SLC44A1: variants seen among roughly 807,000 people sequenced by gnomAD.
The protein encoded by SLC44A1 is solute carrier family 44 member 1, also known as choline transporter-like protein 1.
A neutral mutation model predicts 79.3 loss-of-function variants in SLC44A1; 26 were observed. That is an observed-to-expected ratio of 0.33 (90% CI 0.24 to 0.46). The LOEUF is 0.46. Among genes scored for constraint, SLC44A1 ranks in the 20% least tolerant of loss-of-function variants. The pLI is 1.00. For synonymous variants in SLC44A1, 263 were observed against 286.2 expected, an observed-to-expected ratio of 0.92 and a Z score of 0.82; for missense variants, 688 against 798.1, an observed-to-expected ratio of 0.86 and a Z score of 1.66.
intron 3 of SLC44A1, among the ~76,000 whole-genome samples, chr9:105,334,110 A>G (rs1225411913): frequency 6.6e-6 from 1 of 152,166 alleles, no homozygotes; most frequent in Non-Finnish European, 1.5e-5. Context: ...CTTCCTTGTT[A>G]TCAGCCATGG....
chr9:105,376,315 A>G (rs955122137), intron 13 of SLC44A1, among the ~76,000 whole-genome samples: 5 of 10,000 alleles, frequency 5.0e-4, no homozygotes, highest in African/African-American at 7.2e-4. Context: ...ATATATGTAT[A>G]CACACACACA....
chr9:105,431,958 T>C, intron 15 of SLC44A1, among the ~76,000 whole-genome samples: 1 of 152,256 alleles, frequency 6.6e-6, no homozygotes. Flanking sequence ...GGTCTCACTC[T>C]GTTGCCCAGG....
At chr9:105,312,367 A>G (rs960200130) in intron 3 of SLC44A1, among the ~76,000 whole-genome samples, 1 of 152,174 alleles carries the variant, frequency 6.6e-6, no homozygotes, top group Non-Finnish European at 1.5e-5. Flanking sequence ...ATGTGTAATT[A>G]TATACTTATT....
chr9:105,390,451 A>C lies in SLC44A1; in HGVS notation c.*1395A>C. On this transcript the variant is annotated 3_prime_UTR_variant, in exon 16 of 16. Coordinates refer to ENST00000374720, the MANE Select transcript of SLC44A1 (RefSeq NM_080546.5). Reference sequence around the variant, plus strand: ...TGTACAAAAAAAAAAAAAAAAAAAAAGCCTCAGCATTTTATCATTCCATGG... The same window carrying C: ...TGTACAAAAAAAAAAAAAAAAAAAACGCCTCAGCATTTTATCATTCCATGG... 2 of 972,490 alleles carry C rather than the reference A, an allele frequency of 2.1e-6. No individual in the cohort carries two copies. The highest frequency in any genetic ancestry group is 2.4e-6 in the Non-Finnish European group (2 of 821,116). 60.2% of individuals were successfully genotyped at this position (972,490 alleles called of 1,614,324 possible). A position where few individuals can be genotyped will look rare whatever the true frequency, so the allele number is the denominator to read the frequency against.
rs974990666 is a variant in SLC44A1 at position 105,395,062 on chromosome 9, T to G, written c.*6006T>G. ...AGGGGTTTGAAGTTCTTGTGAAATT[T>G]GATCCCAGTGGCTCATGACTTATAG... is the stretch of plus-strand genomic sequence containing the variant. On this transcript the variant is annotated 3_prime_UTR_variant, in exon 16 of 16. Coordinates refer to ENST00000374720, the MANE Select transcript of SLC44A1 (RefSeq NM_080546.5). The G allele has an allele frequency of 1.0e-6, 1 of 985,362 alleles. No homozygotes were observed. The highest frequency in any genetic ancestry group is 1.2e-6 in the Non-Finnish European group (1 of 829,960). 61.0% of individuals were successfully genotyped at this position (985,362 alleles called of 1,614,324 possible).
At chr9:105,398,018 A>G (rs1828908996), downstream of SLC44A1, among the ~76,000 whole-genome samples, 1 of 152,216 alleles carries the variant, frequency 6.6e-6, no homozygotes, top group African/African-American at 2.4e-5. Context: ...GAAGACATTC[A>G]TTGTGCCTGG....
chr9:105,410,981 A>C (rs1011806040), intron 15 of SLC44A1, among the ~76,000 whole-genome samples: 2 of 152,356 alleles, frequency 1.3e-5, no homozygotes, highest in Admixed American at 6.5e-5. Flanking sequence ...TATCTAAAAT[A>C]GGCAAAATCC....
At chr9:105,371,835 G>A (rs1260946346) in intron 12 of SLC44A1, among the ~76,000 whole-genome samples, 1 of 152,104 alleles carries the variant, frequency 6.6e-6, no homozygotes, top group Non-Finnish European at 1.5e-5. Context: ...AGTACTTAGG[G>A]AACTGGTGTG....
chr9:105,328,687 G>A (rs1008881891), intron 3 of SLC44A1, among the ~76,000 whole-genome samples: 1 of 152,228 alleles, frequency 6.6e-6, no homozygotes, highest in African/African-American at 2.4e-5. Context: ...GCAGTTGCCT[G>A]TAAATGAAGG....
intron 2 of SLC44A1, among the ~76,000 whole-genome samples, chr9:105,300,941 A>G (rs1351881293): frequency 6.6e-6 from 1 of 152,014 alleles, no homozygotes. Context: ...ACGCCCAGCT[A>G]ATTTTGAATT....
At chr9:105,410,997 A>T (rs986811301) in intron 15 of SLC44A1, among the ~76,000 whole-genome samples, 23 of 152,196 alleles carry the variant, frequency 1.5e-4, no homozygotes, top group African/African-American at 5.1e-4. Flanking sequence ...AATCCATAGA[A>T]ACAGAAAGCA....
chr9:105,261,958 T>C (rs1345162165), intron 1 of SLC44A1, among the ~76,000 whole-genome samples: 1 of 152,006 alleles, frequency 6.6e-6, no homozygotes, highest in African/African-American at 2.4e-5. Context: ...TTTATTTTTT[T>C]ATTTTTAGTT....
At chr9:105,338,730 A>G (rs1273434072) in intron 4 of SLC44A1, among the ~76,000 whole-genome samples, 2 of 152,182 alleles carry the variant, frequency 1.3e-5, no homozygotes, top group South Asian at 2.1e-4. Context: ...TATCCTCTCA[A>G]TCATTTGAGG....
chr9:105,402,840 A>AT (rs1161135801), intron 15 of SLC44A1, among the ~76,000 whole-genome samples: 9 of 151,956 alleles, frequency 5.9e-5, no homozygotes, highest in African/African-American at 1.4e-4. Context: ...ATACAAAAAG[A>AT]TTTTTTTTAA....
intron 1 of SLC44A1, among the ~76,000 whole-genome samples, chr9:105,296,783 A>G (rs1361121160): frequency 6.6e-6 from 1 of 152,234 alleles, no homozygotes; most frequent in Non-Finnish European, 1.5e-5. Context: ...ACAGACCACA[A>G]TACAGGCATT....
intron 1 of SLC44A1, among the ~76,000 whole-genome samples, chr9:105,266,157 G>A (rs1829956870): frequency 6.6e-6 from 1 of 152,026 alleles, no homozygotes; most frequent in Non-Finnish European, 1.5e-5. Context: ...ATGTAGAGAC[G>A]GGGTCTCACT....
At chr9:105,248,654 CTT>C (rs1197198568) in intron 1 of SLC44A1, among the ~76,000 whole-genome samples, 3 of 152,102 alleles carry the variant, frequency 2.0e-5, no homozygotes, top group Non-Finnish European at 2.9e-5. Flanking sequence ...GCCTAAAAGT[CTT>C]TTGAGGGGAA....
chr9:105,365,445 C>T (rs1413163493), intron 10 of SLC44A1, 38 bp from the exon 11 acceptor site: 5 of 1,547,458 alleles, frequency 3.2e-6, no homozygotes, highest in Non-Finnish European at 4.4e-6. Flanking sequence ...CTGATCTAGG[C>T]TTTGTTTTAA....
At chr9:105,386,253 T>TG (rs1828623424) in intron 15 of SLC44A1, 1 of 978,882 alleles carries the variant, frequency 1.0e-6, no homozygotes, top group African/African-American at 1.7e-5. Context: ...ACATGGATAT[T>TG]GTCACTATAG....
Sources: allele counts gnomAD v4.1 joint callset (sites outside exome capture counted in the v4.1 genomes callset), GRCh38; gene constraint gnomAD v4.1.1; transcripts MANE v1.5; gene names NCBI Gene and HGNC (gene_info 2026-07-23, HGNC 2026-07-21).